The following SLC25A43 variants were observed in gnomAD, a reference collection of about 807,000 sequenced individuals.
The protein encoded by SLC25A43 is solute carrier family 25 member 43, also known as solute carrier family 25, member 43.
SLC25A43 carries 10 observed loss-of-function variants against 22.8 expected under a neutral mutation model. The observed-to-expected ratio is 0.44, with a 90% CI of 0.27 to 0.74. SLC25A43 has a LOEUF of 0.74. Among genes scored for constraint, SLC25A43 ranks in the 30% least tolerant of loss-of-function variants. The probability of loss-of-function intolerance (pLI) is 0.17; values close to 1 mark genes in which losing one functional copy is unlikely to be tolerated. For synonymous variants in SLC25A43, 106 were observed against 121.6 expected (o/e 0.87, Z 0.84); for missense variants, 233 against 279.1 (o/e 0.83, Z 1.18).
Position 119,453,229 on chromosome X carries a change from G to A in SLC25A43, c.*164G>A. The stretch of plus-strand genomic sequence containing the variant: ...CACCACCTCAGATCTCCAAACTGAT[G>A]TCCCTGTGAACACCTGCACTATGAG... On this transcript the variant is annotated 3_prime_UTR_variant, in exon 5 of 5. Transcript: ENST00000217909. The A allele has an allele frequency of 2.2e-6, 1 of 465,075 alleles. No individual in the cohort carries two copies. Among genetic ancestry groups the A allele is most frequent in the Non-Finnish European group, 3.7e-6 (1 of 268,603 alleles). The allele number at this position is 465,075 out of a possible 1,213,427, so 38.3% of individuals were successfully genotyped here.
Position 119,410,208 on chromosome X carries a change from C to T in SLC25A43, c.536C>T (p.Ala179Val), listed in dbSNP as rs2052337361. 8.3e-7 allele frequency: 1 copy of T among 1,208,659 alleles called. No homozygotes were observed. Among genetic ancestry groups the T allele is most frequent in the African/African-American group, 1.8e-5 (1 of 56,864 alleles). The stretch of plus-strand genomic sequence containing the variant: ...TTTGCAGGTGCTCTCCCGTTCTCTG[C>T]TGGCTCCCTTCTTGTTTACATGAAC... ...LTVVGALPFSAGSLLVYMNLE... is the reference protein window; with the variant it reads ...LTVVGALPFSVGSLLVYMNLE... Residue 179 changes from alanine (A) to valine (V), a missense_variant, in exon 3 of 5, where the codon GCT (alanine) becomes GTT (valine). Transcript: ENST00000217909.
intron 3 of SLC25A43, among the ~76,000 whole-genome samples, chrX:119,429,097 G>C (rs1304474042): frequency 9.4e-6 from 1 of 106,634 alleles, no homozygotes; most frequent in Admixed American, 1.0e-4. Context: ...GAGTCGCCAG[G>C]CTGAAGTGCA....
chrX:119,446,151 CAAAAAAAAAAAAAA>C (rs3078475), intron 3 of SLC25A43, among the ~76,000 whole-genome samples: 8 of 38,697 alleles, frequency 2.1e-4, no homozygotes, highest in Admixed American at 4.6e-4. Flanking sequence ...GACTCCATCT[CAAAAAAAAAAAAAA>C]AAAAAAAAAA....
intron 3 of SLC25A43, among the ~76,000 whole-genome samples, chrX:119,450,328 G>A (rs2052696972): frequency 9.0e-6 from 1 of 111,514 alleles, no homozygotes; most frequent in African/African-American, 3.3e-5. Flanking sequence ...CCAGGAGGTC[G>A]ACAATGGAAT....
chrX:119,453,356 T>A lies in SLC25A43; in HGVS notation c.*291T>A. The A allele has an allele frequency of 3.4e-6, 1 of 290,970 alleles. No individual in the cohort carries two copies. Among genetic ancestry groups the A allele is most frequent in the East Asian group, 6.2e-5 (1 of 16,114 alleles). The allele number at this position is 290,970 out of a possible 1,213,427, so 24.0% of individuals were successfully genotyped here. ...ACAATTTACGCTCTGAATAGAAACA[T>A]GACACCAAAGAAAGGGCATTGCCAT... On this transcript the variant is annotated 3_prime_UTR_variant, in exon 5 of 5. Transcript: ENST00000217909.
intron 3 of SLC25A43, chrX:119,434,435 A>G (rs1189622622): frequency 9.3e-6 from 1 of 107,435 alleles, no homozygotes; most frequent in Non-Finnish European, 1.9e-5. Context: ...AACAGAAAGA[A>G]GGCCAGTGCA....
At chrX:119,449,577 A>T (rs1249552869) in intron 3 of SLC25A43, among the ~76,000 whole-genome samples, 1 of 110,177 alleles carries the variant, frequency 9.1e-6, no homozygotes, top group Admixed American at 9.8e-5. Flanking sequence ...AAAAAATACA[A>T]AAATTAGCAG....
intron 1 of SLC25A43, among the ~76,000 whole-genome samples, chrX:119,405,195 C>T (rs1009628151): frequency 1.8e-5 from 2 of 112,255 alleles, no homozygotes; most frequent in Non-Finnish European, 3.8e-5. Context: ...TGTTTAAAAG[C>T]AGCTGATTAA....
chrX:119,435,603 A>G (rs1226847028), intron 3 of SLC25A43, among the ~76,000 whole-genome samples: 2 of 48,853 alleles, frequency 4.1e-5, no homozygotes, highest in African/African-American at 8.1e-5. Flanking sequence ...ATATCTCCCA[A>G]TGCTATCCCT....
At chrX:119,444,074 T>C (rs571372841) in intron 3 of SLC25A43, among the ~76,000 whole-genome samples, 1 of 111,588 alleles carries the variant, frequency 9.0e-6, no homozygotes, top group Non-Finnish European at 1.9e-5. Flanking sequence ...TTTTAAAGCA[T>C]AGAATATTGA....
chrX:119,409,508 C>T (rs1308463372), intron 2 of SLC25A43, among the ~76,000 whole-genome samples: 2 of 102,182 alleles, frequency 2.0e-5, no homozygotes, highest in Non-Finnish European at 4.0e-5. Context: ...ACTCAGCCAG[C>T]CCACCTTTTT....
At chrX:119,427,885 A>G (rs574087296) in intron 3 of SLC25A43, among the ~76,000 whole-genome samples, 2 of 111,825 alleles carry the variant, frequency 1.8e-5, no homozygotes, top group East Asian at 2.8e-4. Flanking sequence ...ATGCCCTTTT[A>G]AAATTAAGTA....
chrX:119,422,205 G>A (rs138608588), intron 3 of SLC25A43, among the ~76,000 whole-genome samples: 6,323 of 111,880 alleles, frequency 0.057, 169 homozygotes, highest in South Asian at 0.11. Flanking sequence ...ATGAGCCACC[G>A]TGCCCGGCCA....
At chrX:119,429,390 A>G (rs767835061) in intron 3 of SLC25A43, among the ~76,000 whole-genome samples, 85 of 111,845 alleles carry the variant, frequency 7.6e-4, no homozygotes, top group Non-Finnish European at 1.4e-3. Flanking sequence ...TTATTTCAGT[A>G]CTCATGGAAA....
Position 119,406,568 on chromosome X carries a change from C to T in SLC25A43, c.384C>T (p.Asp128=), listed in dbSNP as rs1205591001. 1 of 1,211,829 alleles carries T rather than the reference C, an allele frequency of 8.3e-7. No homozygotes were observed. Among genetic ancestry groups the T allele is most frequent in the Admixed American group, 2.2e-5 (1 of 46,044 alleles). ...MVSTIVTYPT[D]LIKTRLIMQN... is the part of the protein sequence containing the mutation. ...CCACCATTGTAACATATCCTACAGA[C>T]CTCATCAAAACCCGGTTGATCATGC... Residue 128 remains aspartate, a synonymous_variant, in exon 2 of 5, where the codon GAC becomes GAT. Transcript: ENST00000217909.
At chrX:119,431,451 T>C (rs1217461919) in intron 3 of SLC25A43, among the ~76,000 whole-genome samples, 8 of 105,630 alleles carry the variant, frequency 7.6e-5, no homozygotes, top group Non-Finnish European at 1.5e-4. Flanking sequence ...AGGTGGAGGT[T>C]GCAGTAAGCC....
At chrX:119,402,625 A>C (rs1374648387) in intron 1 of SLC25A43, among the ~76,000 whole-genome samples, 1 of 111,812 alleles carries the variant, frequency 8.9e-6, no homozygotes, top group Admixed American at 9.5e-5. Context: ...ACACATATCC[A>C]GGGTGTGTGT....
At chrX:119,415,220 G>A (rs751421057) in intron 3 of SLC25A43, among the ~76,000 whole-genome samples, 12 of 109,868 alleles carry the variant, frequency 1.1e-4, no homozygotes, top group South Asian at 4.0e-4. Flanking sequence ...GCCGTGCCTG[G>A]CCATCATACC....
At chrX:119,425,330 T>C (rs1439844012) in intron 3 of SLC25A43, among the ~76,000 whole-genome samples, 4 of 111,711 alleles carry the variant, frequency 3.6e-5, no homozygotes, top group East Asian at 2.8e-4. Context: ...TAAATTGTTA[T>C]AACTATCCCT....
Sources: gnomAD v4.1 joint callset for allele counts (sites outside exome capture counted in the v4.1 genomes callset) on GRCh38, gnomAD v4.1.1 for gene constraint, MANE v1.5 for transcripts, NCBI Gene and HGNC (gene_info 2026-07-23, HGNC 2026-07-21) for gene names.